AKAP19: variants seen among roughly 807,000 people sequenced by gnomAD.
The protein encoded by AKAP19 is small A-kinase anchoring protein.
chr2:190,047,702 A>G, the AKAP19 span, among the ~76,000 whole-genome samples: 4 of 152,252 alleles, frequency 2.6e-5, no homozygotes, highest in Non-Finnish European at 1.5e-5. Context: ...GGAAAGTACC[A>G]GAGATATTCT....
the AKAP19 span, among the ~76,000 whole-genome samples, chr2:189,893,980 A>G: frequency 2.6e-5 from 4 of 152,176 alleles, no homozygotes; most frequent in Non-Finnish European, 4.4e-5. Context: ...GGGTGACTCA[A>G]TTTGCATCTA....
the AKAP19 span, among the ~76,000 whole-genome samples, chr2:190,105,956 A>T: frequency 6.6e-6 from 1 of 152,270 alleles, no homozygotes; most frequent in Non-Finnish European, 1.5e-5. Flanking sequence ...AAATAAGTGC[A>T]TGAAAAATGA....
At chr2:190,188,108 G>C in the AKAP19 span, among the ~76,000 whole-genome samples, 2 of 152,168 alleles carry the variant, frequency 1.3e-5, no homozygotes, top group Middle Eastern at 3.2e-3. Context: ...GGAGTGGTGG[G>C]TGGAAGGGCA....
the AKAP19 span, among the ~76,000 whole-genome samples, chr2:190,196,133 G>A: frequency 6.6e-6 from 1 of 151,736 alleles, no homozygotes; most frequent in Non-Finnish European, 1.5e-5. Context: ...TTTTCTAATT[G>A]TCCCTCCCCA....
At chr2:189,923,000 A>T in the AKAP19 span, among the ~76,000 whole-genome samples, 1 of 152,024 alleles carries the variant, frequency 6.6e-6, no homozygotes, top group South Asian at 2.1e-4. Context: ...AAATACAAAA[A>T]ATTAGCCGGG....
At chr2:189,905,938 T>G in the AKAP19 span, among the ~76,000 whole-genome samples, 1 of 152,128 alleles carries the variant, frequency 6.6e-6, no homozygotes, top group African/African-American at 2.4e-5. Context: ...CAGACAAGAG[T>G]GAACAGGGTG....
At chr2:189,954,415 C>A in the AKAP19 span, among the ~76,000 whole-genome samples, 10 of 150,936 alleles carry the variant, frequency 6.6e-5, no homozygotes, top group Admixed American at 3.9e-4. Context: ...GTGATATGAC[C>A]AAACTTCTTC....
the AKAP19 span, among the ~76,000 whole-genome samples, chr2:190,007,876 C>T: frequency 4.6e-5 from 7 of 152,218 alleles, no homozygotes; most frequent in South Asian, 6.2e-4. Context: ...GCACAAGAAT[C>T]GCTTGAACCC....
chr2:189,964,385 A>T, the AKAP19 span, among the ~76,000 whole-genome samples: 2 of 152,222 alleles, frequency 1.3e-5, no homozygotes, highest in African/African-American at 4.8e-5. Flanking sequence ...CTAGGATTTC[A>T]GAATGGTAAA....
chr2:190,172,205 C>CA, the AKAP19 span, among the ~76,000 whole-genome samples: 10 of 152,186 alleles, frequency 6.6e-5, no homozygotes, highest in Non-Finnish European at 1.0e-4. Flanking sequence ...AGGATTGTCT[C>CA]ATGGTTCAGA....
the AKAP19 span, among the ~76,000 whole-genome samples, chr2:190,055,042 A>G: frequency 4.6e-5 from 7 of 152,306 alleles, no homozygotes; most frequent in East Asian, 1.2e-3. Context: ...TGTTTATTGC[A>G]GCACTATTCA....
At chr2:189,934,384 G>A in the AKAP19 span, among the ~76,000 whole-genome samples, 2 of 152,008 alleles carry the variant, frequency 1.3e-5, no homozygotes, top group East Asian at 3.9e-4. Context: ...TTCCATAATT[G>A]TAATTGGCCT....
the AKAP19 span, among the ~76,000 whole-genome samples, chr2:190,040,881 C>A: frequency 6.6e-6 from 1 of 151,988 alleles, no homozygotes; most frequent in Non-Finnish European, 1.5e-5. Flanking sequence ...TTTGTCTATG[C>A]GTCTGTCTTT....
chr2:189,958,595 GAC>G, the AKAP19 span, among the ~76,000 whole-genome samples: 1 of 147,490 alleles, frequency 6.8e-6, no homozygotes, highest in African/African-American at 2.5e-5. Context: ...TATATACACA[GAC>G]ACACACACAC....
At chr2:190,162,708 T>C in the AKAP19 span, among the ~76,000 whole-genome samples, 3 of 152,194 alleles carry the variant, frequency 2.0e-5, no homozygotes, top group African/African-American at 7.2e-5. Flanking sequence ...GGTTTAACAA[T>C]AATAAATACA....
the AKAP19 span, among the ~76,000 whole-genome samples, chr2:190,198,141 T>A: frequency 3.3e-5 from 5 of 152,158 alleles, no homozygotes; most frequent in African/African-American, 9.7e-5. Flanking sequence ...GAACTAAAGG[T>A]AATTAAAAGC....
At chr2:190,079,856 G>GGTGTGTGTGTGTGTGTGT in the AKAP19 span, 14 of 139,572 alleles carry the variant, frequency 1.0e-4, no homozygotes, top group African/African-American at 3.1e-4. Flanking sequence ...AAAAATGAGG[G>GGTGTGTGTGTGTGTGTGT]GTGTGTGTGT....
chr2:190,192,873 C>G, the AKAP19 span, among the ~76,000 whole-genome samples: 1 of 152,068 alleles, frequency 6.6e-6, no homozygotes, highest in Non-Finnish European at 1.5e-5. Flanking sequence ...TAAGACCTTG[C>G]TACAATTATT....
At chr2:189,955,325 A>G in the AKAP19 span, among the ~76,000 whole-genome samples, 150,315 of 152,254 alleles carry the variant, frequency 0.99, 74,230 homozygotes, top group East Asian at 1. Context: ...CTAGTATTCT[A>G]TGGTATATAT....
Sources: allele counts gnomAD v4.1 joint callset (sites outside exome capture counted in the v4.1 genomes callset), GRCh38; gene constraint gnomAD v4.1.1; transcripts MANE v1.5; gene names NCBI Gene and HGNC (gene_info 2026-07-23, HGNC 2026-07-21).